GID4: variants seen among roughly 807,000 people sequenced by gnomAD.
GID4 encodes the protein glucose-induced degradation protein 4 homolog.
A neutral mutation model predicts 32.4 loss-of-function variants in GID4; 7 were observed. That is an observed-to-expected ratio of 0.22 (90% CI 0.12 to 0.41). The LOEUF (loss-of-function observed/expected upper bound fraction) is 0.41. Ranked by LOEUF, GID4 falls within the 10% of genes least tolerant of loss-of-function variation. The probability of loss-of-function intolerance (pLI) is 1.00; values close to 1 mark genes in which losing one functional copy is unlikely to be tolerated. For synonymous variants in GID4, 166 were observed against 170.0 expected, an observed-to-expected ratio of 0.98 and a Z score of 0.18; for missense variants, 309 against 400.0, an observed-to-expected ratio of 0.77 and a Z score of 1.94.
In GID4 at chr17:18,058,952, G is replaced by C. The variant is rs200321621; in HGVS notation, c.691G>C (p.Val231Leu). The change falls in exon 4 of 6, where the codon GTC becomes CTC. Residue 231 changes from valine to leucine, a missense_variant. By Grantham distance (32) the Val-to-Leu change is conservative. Transcript: ENST00000268719. ...DYEELKNGDYVFMRWKEQFLV... is the reference protein window; with the variant it reads ...DYEELKNGDYLFMRWKEQFLV... ...TGAAGAGCTGAAGAATGGAGACTACGTCTTCATGAGGTGGAAGGTAAGTTC... is the reference window on the plus strand; with the variant it reads ...TGAAGAGCTGAAGAATGGAGACTACCTCTTCATGAGGTGGAAGGTAAGTTC... 3 of 1,608,256 alleles carry C rather than the reference G, an allele frequency of 1.9e-6. No homozygotes were observed. The highest frequency in any genetic ancestry group is 4.5e-5 in the East Asian group (2 of 44,864).
Position 18,065,287 on chromosome 17 carries a change from AAAG to A in GID4, c.*47_*49del, listed in dbSNP as rs2045051032. The A allele has an allele frequency of 2.0e-6, 3 of 1,508,094 alleles. No homozygotes were observed. Among genetic ancestry groups the A allele is most frequent in the Non-Finnish European group, 2.8e-6 (3 of 1,083,754 alleles). 93.4% of individuals were successfully genotyped at this position (1,508,094 alleles called of 1,614,324 possible). A position where few individuals can be genotyped will look rare whatever the true frequency, so the allele number is the denominator to read the frequency against. On this transcript the variant is annotated 3_prime_UTR_variant, in exon 6 of 6. Coordinates refer to ENST00000268719, the MANE Select transcript of GID4 (RefSeq NM_024052.5). ...ACCAAATAAAACTGAACTTGGCAAA[AAAG>A]AACTTTGCCGAGAAAATTGTGTACC...
intron 5 of GID4, among the ~76,000 whole-genome samples, chr17:18,062,749 C>T (rs1410128507): frequency 6.6e-6 from 1 of 152,130 alleles, no homozygotes; most frequent in Middle Eastern, 3.2e-3. Context: ...ATGGTTTTCA[C>T]GCAAGTTTGT....
At chr17:18,044,659 A>T (rs1270166972) in intron 1 of GID4, among the ~76,000 whole-genome samples, 1 of 152,230 alleles carries the variant, frequency 6.6e-6, no homozygotes, top group African/African-American at 2.4e-5. Flanking sequence ...ATGCAGGATG[A>T]TGTTTAGTGT....
rs567472596 is a variant in GID4 at position 18,059,069 on chromosome 17, C to T, written c.708+100C>T. 2.4e-4 allele frequency: 166 copies of T among 679,278 alleles called. 4 individuals carry two copies. The South Asian group carries it at 2.8e-3, about 12-fold the overall frequency. 42.1% of individuals were successfully genotyped at this position (679,278 alleles called of 1,614,324 possible). ...CCAAGGGCTCCCCATGTCCAGTGCT[C>T]GTCACAGCTGGTTGTCATGGCAAAG... is the stretch of plus-strand genomic sequence containing the variant. On this transcript the variant is annotated intron_variant, in intron 4 of 5. Coordinates refer to ENST00000268719, the MANE Select transcript of GID4 (RefSeq NM_024052.5).
intron 4 of GID4, among the ~76,000 whole-genome samples, chr17:18,059,995 G>A (rs921301048): frequency 2.6e-5 from 4 of 151,046 alleles, no homozygotes; most frequent in African/African-American, 7.3e-5. Context: ...CTAAGGCAGG[G>A]GAATCACTTG....
intron 2 of GID4, among the ~76,000 whole-genome samples, chr17:18,045,916 A>AG (rs1567584891): frequency 1.3e-5 from 2 of 152,008 alleles, no homozygotes; most frequent in African/African-American, 4.8e-5. Flanking sequence ...AGAAAGAAAA[A>AG]AAAGGGGAAG....
intron 1 of GID4, among the ~76,000 whole-genome samples, chr17:18,042,807 T>G (rs536836370): frequency 6.6e-6 from 1 of 152,330 alleles, no homozygotes; most frequent in South Asian, 2.1e-4. Context: ...ACACTCACTG[T>G]TCATCTTTTT....
Position 18,039,910 on chromosome 17 carries a change from C to T in GID4, c.438+8C>T. On this transcript the variant is annotated splice_region_variant and intron_variant, in intron 1 of 5. Coordinates refer to ENST00000268719, the MANE Select transcript of GID4 (RefSeq NM_024052.5). This position sits in a 1 kb window ranked among gnomAD's most constrained non-coding sequence, Gnocchi z 5.3. ...GTAGAGGTGGTGCTGCAGGTGAGCG[C>T]CGGGCCGGGCCGGGGCCCGAGGGCC... is the stretch of plus-strand genomic sequence containing the variant. 2 of 1,374,342 alleles carry T rather than the reference C, an allele frequency of 1.5e-6. No homozygotes were observed. The highest frequency in any genetic ancestry group is 1.9e-6 in the Non-Finnish European group (2 of 1,054,040). The allele number at this position is 1,374,342 out of a possible 1,614,324, so 85.1% of individuals were successfully genotyped here. A position where few individuals can be genotyped will look rare whatever the true frequency, so the allele number is the denominator to read the frequency against.
At chr17:18,041,573 T>G (rs1268612403) in intron 1 of GID4, among the ~76,000 whole-genome samples, 1 of 152,188 alleles carries the variant, frequency 6.6e-6, no homozygotes, top group Non-Finnish European at 1.5e-5. Flanking sequence ...TCTTAAAATG[T>G]GAGAGTCGAG....
chr17:18,052,530 C>G (rs2044922414), intron 2 of GID4, among the ~76,000 whole-genome samples: 1 of 152,190 alleles, frequency 6.6e-6, no homozygotes, highest in Non-Finnish European at 1.5e-5. Context: ...GATGTTAGGA[C>G]TGTAATCTGT....
rs2045078681 is a variant in GID4, at chr17:18,067,634, G to C, written c.*2391G>C. On this transcript the variant is annotated 3_prime_UTR_variant, in exon 6 of 6. Coordinates refer to ENST00000268719, the MANE Select transcript of GID4 (RefSeq NM_024052.5). Reference sequence around the variant, plus strand: ...CATCAACTTCTTTCTCTCCGTTCCTGAAGGAACTTTGGGGAATCATCTTCA... The same window carrying C: ...CATCAACTTCTTTCTCTCCGTTCCTCAAGGAACTTTGGGGAATCATCTTCA... 1 of 152,622 alleles carries C rather than the reference G, an allele frequency of 6.6e-6. No individual in the cohort carries two copies. Among genetic ancestry groups the C allele is most frequent in the Non-Finnish European group, 1.5e-5 (1 of 68,038 alleles). The allele number at this position is 152,622 out of a possible 1,614,324, so 9.5% of individuals were successfully genotyped here.
At chr17:18,048,579 T>G (rs2044878888) in intron 2 of GID4, among the ~76,000 whole-genome samples, 1 of 152,222 alleles carries the variant, frequency 6.6e-6, no homozygotes, top group South Asian at 2.1e-4. Flanking sequence ...TTTGAATAAA[T>G]TTTGTACCTG....
At position 18,068,289 on chromosome 17, in the gene GID4, GTTTC is replaced by G. The variant is rs2045086421; in HGVS notation, c.*3050_*3053del. ...AATGGGCACAAAGTATAAATATTTT[GTTTC>G]TTTATGGAGGACATGTGGAAGGAGT... On this transcript the variant is annotated 3_prime_UTR_variant, in exon 6 of 6. Coordinates refer to ENST00000268719, the MANE Select transcript of GID4 (RefSeq NM_024052.5). The G allele has an allele frequency of 6.6e-6, 1 of 152,412 alleles. No homozygotes were observed. The highest frequency in any genetic ancestry group is 1.5e-5 in the Non-Finnish European group (1 of 68,002). The allele number at this position is 152,412 out of a possible 1,614,324, so 9.4% of individuals were successfully genotyped here.
At chr17:18,051,556 A>G (rs1331064872) in intron 2 of GID4, among the ~76,000 whole-genome samples, 2 of 151,940 alleles carry the variant, frequency 1.3e-5, no homozygotes, top group African/African-American at 4.8e-5. Flanking sequence ...GATACCTGTA[A>G]TCCCAGCTAC....
At position 18,056,796 on chromosome 17, in the gene GID4, G is replaced by T. The variant is rs1186862428; in HGVS notation, c.607-2072G>T. 2.6e-6 allele frequency: 4 copies of T among 1,550,508 alleles called. No homozygotes were observed. In the Admixed American group the frequency reaches 5.9e-5, roughly 23 times the overall value. The stretch of plus-strand genomic sequence containing the variant: ...ACTAAGAAGGCCACCCTTGGTACTG[G>T]CATGTGAGGTGTGGTTGAGCCAGGG... On this transcript the variant is annotated intron_variant, in intron 3 of 5. Coordinates refer to ENST00000268719, the MANE Select transcript of GID4 (RefSeq NM_024052.5).
At position 18,039,536 on chromosome 17, in the gene GID4, G is replaced by C; in HGVS notation, c.72G>C (p.Gly24=). ...RTGRPCSQVP[G]SRWRPERLLR... ...GGAGGCCCTGCTCGCAGGTCCCTGG[G>C]TCCCGGTGGCGGCCGGAGCGCTTGC... Residue 24 remains glycine (G), a synonymous_variant, in exon 1 of 6, where the codon GGG becomes GGC. Transcript: ENST00000268719. This position sits in a 1 kb window ranked among gnomAD's most constrained non-coding sequence, Gnocchi z 5.3. 7.6e-7 allele frequency: 1 copy of C among 1,308,806 alleles called. No individual in the cohort carries two copies. The highest frequency in any genetic ancestry group is 9.7e-7 in the Non-Finnish European group (1 of 1,033,514). 81.1% of individuals were successfully genotyped at this position (1,308,806 alleles called of 1,614,324 possible).
intron 3 of GID4, chr17:18,056,930 T>G: frequency 6.4e-7 from 1 of 1,550,632 alleles, no homozygotes; most frequent in East Asian, 2.4e-5. Context: ...GGTTCCCACG[T>G]GGGACTCCTG....
intron 3 of GID4, chr17:18,056,563 T>G: frequency 1.3e-6 from 1 of 767,412 alleles, no homozygotes; most frequent in Non-Finnish European, 2.1e-6. Flanking sequence ...CTCTCTCCCA[T>G]TCAACTCTAT....
intron 2 of GID4, among the ~76,000 whole-genome samples, chr17:18,050,424 G>A (rs995382845): frequency 1.3e-5 from 2 of 152,218 alleles, no homozygotes; most frequent in Non-Finnish European, 2.9e-5. Flanking sequence ...AGTCAAGAGA[G>A]GCGACCTTTC....
Sources: allele counts gnomAD v4.1 joint callset (sites outside exome capture counted in the v4.1 genomes callset), GRCh38; gene constraint gnomAD v4.1.1; non-coding constraint Gnocchi (gnomAD v3.1); transcripts MANE v1.5; gene names NCBI Gene and HGNC (gene_info 2026-07-23, HGNC 2026-07-21).